The following SREK1IP1 variants were observed in gnomAD, a reference collection of about 807,000 sequenced individuals.
The protein encoded by SREK1IP1 is SREK1 interacting protein 1, also known as protein SREK1IP1.
SREK1IP1 carries 12 observed loss-of-function variants against 22.8 expected under a neutral mutation model. The observed-to-expected ratio is 0.53, with a 90% CI of 0.34 to 0.85. The LOEUF is 0.85. Among genes scored for constraint, SREK1IP1 ranks in the 40% least tolerant of loss-of-function variants. SREK1IP1 has a pLI of 0.02. For synonymous variants in SREK1IP1, 53 were observed against 52.7 expected (o/e 1.01, Z -0.02); for missense variants, 147 against 171.8 (o/e 0.86, Z 0.81).
chr5:64,736,058 C>T (rs554866899), intron 3 of SREK1IP1, among the ~76,000 whole-genome samples: 5 of 152,010 alleles, frequency 3.3e-5, no homozygotes, highest in Non-Finnish European at 5.9e-5. Flanking sequence ...TTTTTATTTT[C>T]ATTCAGTTAA....
At chr5:64,757,124 T>C (rs1317554233) in intron 1 of SREK1IP1, among the ~76,000 whole-genome samples, 4 of 152,240 alleles carry the variant, frequency 2.6e-5, no homozygotes, top group Non-Finnish European at 4.4e-5. Flanking sequence ...GTATACATTA[T>C]TGAGGTGGGG....
chr5:64,734,998 A>T, intron 3 of SREK1IP1, among the ~76,000 whole-genome samples: 1 of 150,432 alleles, frequency 6.6e-6, no homozygotes, highest in East Asian at 1.9e-4. Context: ...ATGTTATGGA[A>T]GGCCTTCAGT....
chr5:64,739,068 T>C (rs1411002830), intron 3 of SREK1IP1, among the ~76,000 whole-genome samples: 1 of 152,142 alleles, frequency 6.6e-6, no homozygotes, highest in Non-Finnish European at 1.5e-5. Context: ...TTGTTCCCTG[T>C]GATATGAAGT....
At chr5:64,726,566 ACT>A (rs1304610407) in intron 4 of SREK1IP1, among the ~76,000 whole-genome samples, 7 of 146,132 alleles carry the variant, frequency 4.8e-5, no homozygotes, top group African/African-American at 1.8e-4. Flanking sequence ...ACAGAGCGAG[ACT>A]CTGTCTCAAA....
chr5:64,741,345 G>T (rs1742548956), intron 2 of SREK1IP1, 145 bp from the exon 3 acceptor site: 4 of 825,946 alleles, frequency 4.8e-6, no homozygotes, highest in Non-Finnish European at 7.5e-6. Flanking sequence ...TCAGTTGGTA[G>T]TAGTTTGGTT....
intron 2 of SREK1IP1, among the ~76,000 whole-genome samples, chr5:64,753,292 T>A (rs1742779703): frequency 6.6e-6 from 1 of 152,094 alleles, no homozygotes; most frequent in Admixed American, 6.5e-5. Context: ...TCAGCAATGA[T>A]TAAAAGAAAG....
chr5:64,741,006 T>C (rs773732428), intron 3 of SREK1IP1, 51 bp downstream of exon 3: 9 of 1,514,390 alleles, frequency 5.9e-6, no homozygotes, highest in Middle Eastern at 2.4e-4. Context: ...TGATATAATA[T>C]GACAGAACAT....
chr5:64,757,268 T>TG (rs1445454172), intron 1 of SREK1IP1, among the ~76,000 whole-genome samples: 1 of 152,190 alleles, frequency 6.6e-6, no homozygotes, highest in African/African-American at 2.4e-5. Flanking sequence ...TCCTGGCATG[T>TG]GCTTTTAGTC....
At position 64,721,448 on chromosome 5, in the gene SREK1IP1, A is replaced by G. The variant is rs934964188; in HGVS notation, c.*2936T>C. 1 of 149,400 alleles carries G rather than the reference A, an allele frequency of 6.7e-6. No homozygotes were observed. Among genetic ancestry groups the G allele is most frequent in the Admixed American group, 6.7e-5 (1 of 15,006 alleles). The allele number at this position is 149,400 out of a possible 1,614,324, so 9.3% of individuals were successfully genotyped here. On this transcript the variant is annotated 3_prime_UTR_variant, in exon 5 of 5. Coordinates refer to ENST00000513458, the MANE Select transcript of SREK1IP1 (RefSeq NM_173829.4). ...TAGATACAGTTGTAAATACAAACAC[A>G]TATAGTTGTTTTACTTCTCATTTAT...
At chr5:64,735,919 T>C (rs911868066) in intron 3 of SREK1IP1, among the ~76,000 whole-genome samples, 3 of 152,166 alleles carry the variant, frequency 2.0e-5, no homozygotes, top group Admixed American at 2.0e-4. Flanking sequence ...TAATTTGTTC[T>C]TTCTTCTAGT....
At chr5:64,745,489 T>C (rs918230637) in intron 2 of SREK1IP1, among the ~76,000 whole-genome samples, 1 of 151,892 alleles carries the variant, frequency 6.6e-6, no homozygotes, top group African/African-American at 2.4e-5. Flanking sequence ...CTCAGGAGGT[T>C]AAGGCACAAG....
chr5:64,743,663 C>G (rs1441098098), intron 2 of SREK1IP1, among the ~76,000 whole-genome samples: 1 of 152,122 alleles, frequency 6.6e-6, no homozygotes, highest in African/African-American at 2.4e-5. Flanking sequence ...CAGGTTTTCT[C>G]TAGGGTAGAT....
At position 64,763,963 on chromosome 5, in the gene SREK1IP1, G is replaced by C. The variant is rs576004661; in HGVS notation, c.13+4542C>G. Among the ~76,000 whole-genome samples, 7 of 152,260 alleles carry C rather than the reference G, an allele frequency of 4.6e-5. No individual in the cohort carries two copies. The South Asian group carries it at 8.3e-4, about 18-fold the overall frequency. On this transcript the variant is annotated intron_variant, in intron 1 of 4. Coordinates refer to ENST00000513458, the MANE Select transcript of SREK1IP1 (RefSeq NM_173829.4). ...ATACTTTGAAGCATTATTTTGAATT[G>C]AAAGAAGGTTAACATAACAGTGGTG...
At chr5:64,757,861 CTTTTT>C (rs59456636) in intron 1 of SREK1IP1, among the ~76,000 whole-genome samples, 4,016 of 72,624 alleles carry the variant, frequency 0.055, 117 homozygotes, top group African/African-American at 0.21. Flanking sequence ...AGGTTCCTAT[CTTTTT>C]TTTTTTTTTT....
rs1248534931 is a variant in SREK1IP1, at chr5:64,721,150, G to A, written c.*3234C>T. 2 of 152,124 alleles carry A rather than the reference G, an allele frequency of 1.3e-5. No homozygotes were observed. The highest frequency in any genetic ancestry group is 2.9e-5 in the Non-Finnish European group (2 of 68,034). 9.4% of individuals were successfully genotyped at this position (152,124 alleles called of 1,614,324 possible). A position where few individuals can be genotyped will look rare whatever the true frequency, so the allele number is the denominator to read the frequency against. ...TATCCAGACTACTTTAGGTAACCCCGAGTTTCTATAAACTCATGTTCATGT... is the reference window on the plus strand; with the variant it reads ...TATCCAGACTACTTTAGGTAACCCCAAGTTTCTATAAACTCATGTTCATGT... On this transcript the variant is annotated 3_prime_UTR_variant, in exon 5 of 5. Coordinates refer to ENST00000513458, the MANE Select transcript of SREK1IP1 (RefSeq NM_173829.4).
intron 2 of SREK1IP1, among the ~76,000 whole-genome samples, chr5:64,742,503 A>G (rs1263967825): frequency 6.6e-6 from 1 of 152,224 alleles, no homozygotes; most frequent in Non-Finnish European, 1.5e-5. Context: ...TGGTGATCAA[A>G]TAATTCATTT....
chr5:64,756,825 A>T (rs1446006480), intron 1 of SREK1IP1, among the ~76,000 whole-genome samples: 1 of 151,912 alleles, frequency 6.6e-6, no homozygotes. Flanking sequence ...ATGGGGTTTC[A>T]CCATGTTAGC....
At chr5:64,747,744 C>T (rs184430482) in intron 2 of SREK1IP1, among the ~76,000 whole-genome samples, 44 of 152,062 alleles carry the variant, frequency 2.9e-4, no homozygotes, top group African/African-American at 9.6e-4. Flanking sequence ...CTGGCTAGCA[C>T]GGTGTAACCT....
intron 4 of SREK1IP1, among the ~76,000 whole-genome samples, chr5:64,725,021 T>C (rs1221804347): frequency 6.6e-6 from 1 of 152,148 alleles, no homozygotes; most frequent in Admixed American, 6.5e-5. Context: ...TTCATATGAA[T>C]GAATGAAAGC....
Sources: gnomAD v4.1 joint callset for allele counts (sites outside exome capture counted in the v4.1 genomes callset) on GRCh38, gnomAD v4.1.1 for gene constraint, MANE v1.5 for transcripts, NCBI Gene and HGNC (gene_info 2026-07-23, HGNC 2026-07-21) for gene names.